ZP3: variants seen among roughly 807,000 people sequenced by gnomAD.
The protein encoded by ZP3 is zona pellucida sperm-binding protein 3.
ZP3 carries 21 observed loss-of-function variants against 35.6 expected under a neutral mutation model. The ratio of observed to expected loss-of-function variants is 0.59; its 90% CI spans 0.42 to 0.85. ZP3 has a LOEUF of 0.85. Among genes scored for constraint, ZP3 ranks in the 40% least tolerant of loss-of-function variants. The probability of loss-of-function intolerance (pLI) is 0.00; values close to 1 mark genes in which losing one functional copy is unlikely to be tolerated. For synonymous variants in ZP3, 207 were observed against 214.5 expected (o/e 0.96, Z 0.31); for missense variants, 437 against 536.5 (o/e 0.81, Z 1.83).
rs542353131 is a variant in ZP3 at position 76,425,676 on chromosome 7, A to G, written c.312+400A>G. ...CAAAGTATACATTATCTTAAAAACA[A>G]CAAGTGGGCCGGGTGCAGTGGCTCA... On this transcript the variant is annotated intron_variant, in intron 1 of 7. Coordinates refer to ENST00000394857, the MANE Select transcript of ZP3 (RefSeq NM_001110354.2). Among the ~76,000 whole-genome samples the G allele has an allele frequency of 9.2e-5, 14 of 152,294 alleles. No homozygotes were observed. The East Asian group carries it at 2.5e-3, about 27-fold the overall frequency.
intron 1 of ZP3, among the ~76,000 whole-genome samples, chr7:76,418,179 T>C (rs1584048363): frequency 3.3e-5 from 5 of 152,136 alleles, no homozygotes; most frequent in Admixed American, 3.3e-4. Flanking sequence ...TCCACCCGCC[T>C]TGGCCTCCCA....
chr7:76,424,920 G>T (rs1398032253), upstream of ZP3: 1 of 1,475,598 alleles, frequency 6.8e-7, no homozygotes, highest in Admixed American at 2.3e-5. Flanking sequence ...GCATCCCACG[G>T]GTATAAGATG....
At position 76,433,002 on chromosome 7, in the gene ZP3, G is replaced by C; in HGVS notation, c.507G>C (p.Lys169Asn). 2 of 1,614,140 alleles carry C rather than the reference G, an allele frequency of 1.2e-6. No homozygotes were observed. Among genetic ancestry groups the C allele is most frequent in the Non-Finnish European group, 1.7e-6 (2 of 1,180,022 alleles). Residue 169 changes from lysine (K) to asparagine (N), a missense_variant, in exon 3 of 8, where the codon AAG (lysine) becomes AAC (asparagine). Physicochemically the swap from Lys to Asn is moderately conservative, Grantham distance 94. Transcript: ENST00000394857. ...PFRTTVFSEEKLTFSLRLMEE... is the reference protein window; with the variant it reads ...PFRTTVFSEENLTFSLRLMEE... ...GGACCACGGTGTTCTCAGAGGAGAA[G>C]CTGACTTTCTCTCTGCGTCTGATGG...
At chr7:76,401,827 C>T (rs1424603109) in intron 1 of ZP3, among the ~76,000 whole-genome samples, 1 of 152,156 alleles carries the variant, frequency 6.6e-6, no homozygotes. Flanking sequence ...ACCACATACC[C>T]AGGCCTCTTT....
chr7:76,418,691 C>G (rs928708789), intron 1 of ZP3, among the ~76,000 whole-genome samples: 1 of 151,514 alleles, frequency 6.6e-6, no homozygotes, highest in Non-Finnish European at 1.5e-5. Context: ...TCCATCTCTA[C>G]TAAAAATACA....
intron 5 of ZP3, among the ~76,000 whole-genome samples, chr7:76,437,594 C>G (rs1234144434): frequency 6.7e-6 from 1 of 149,632 alleles, no homozygotes; most frequent in Non-Finnish European, 1.5e-5. Flanking sequence ...TCAAGCAATT[C>G]TTCCATTCCA....
intron 5 of ZP3, chr7:76,440,041 T>A (rs62475568): frequency 0.22 from 138,343 of 625,086 alleles, 16,097 homozygotes; most frequent in South Asian, 0.29. Flanking sequence ...GCGATGGGGT[T>A]TCACCATGTT....
rs189661199 is a variant in ZP3, at chr7:76,407,753, G to T, written c.-67+9956G>T. Among the ~76,000 whole-genome samples the T allele has an allele frequency of 1.5e-4, 23 of 152,210 alleles. No individual in the cohort carries two copies. In the East Asian group the frequency reaches 3.7e-3, roughly 24 times the overall value. ...GTCTCTAACTAAAAAGAAAAAAAAA[G>T]TGCATAAACCATGAGCTTAGAGCTC... On this transcript the variant is annotated intron_variant, in intron 1 of 8. Transcript: ENST00000336517.
intron 2 of ZP3, among the ~76,000 whole-genome samples, chr7:76,431,263 C>T (rs1047119058): frequency 1.4e-4 from 21 of 152,256 alleles, no homozygotes; most frequent in African/African-American, 4.8e-4. Flanking sequence ...GCAGGCTGCC[C>T]AGTCGGCATG....
intron 5 of ZP3, chr7:76,439,831 T>G (rs1209222869): frequency 7.0e-5 from 14 of 201,142 alleles, no homozygotes; most frequent in African/African-American, 3.0e-4. Flanking sequence ...TACACCATCT[T>G]AGAGATGAGG....
At chr7:76,403,601 G>A (rs1216692078) in intron 1 of ZP3, among the ~76,000 whole-genome samples, 1 of 151,734 alleles carries the variant, frequency 6.6e-6, no homozygotes, top group African/African-American at 2.4e-5. Context: ...CTCCCAAAGT[G>A]CTGGGATTAC....
chr7:76,431,692 G>C, intron 2 of ZP3, among the ~76,000 whole-genome samples: 1 of 152,172 alleles, frequency 6.6e-6, no homozygotes, highest in Non-Finnish European at 1.5e-5. Flanking sequence ...GAGGTCAGGA[G>C]ATGGAGACCA....
At chr7:76,420,897 A>G (rs1805488102), upstream of ZP3, among the ~76,000 whole-genome samples, 1 of 145,152 alleles carries the variant, frequency 6.9e-6, no homozygotes, top group Non-Finnish European at 1.5e-5. Context: ...ACATACATAT[A>G]TATTTCCACG....
At position 76,410,782 on chromosome 7, in the gene ZP3, G is replaced by C. The variant is rs544710022; in HGVS notation, c.-67+12985G>C. On this transcript the variant is annotated intron_variant, in intron 1 of 8. Transcript: ENST00000336517. ...GGCTGAGGTGGGCAGATCACTTGAG[G>C]TCAGGAGTTCGAGACCAGCCTGGCT... 2.6e-5 allele frequency among the ~76,000 whole-genome samples: 4 copies of C among 151,926 alleles called. No individual in the cohort carries two copies. In the East Asian group the frequency reaches 7.8e-4, roughly 30 times the overall value.
chr7:76,428,156 T>C (rs1239378474), intron 1 of ZP3, among the ~76,000 whole-genome samples: 2 of 129,784 alleles, frequency 1.5e-5, no homozygotes, highest in Admixed American at 1.6e-4. Flanking sequence ...CGAAACCCTG[T>C]CTCTATTTAA....
chr7:76,425,589 GT>G (rs1805627387), intron 1 of ZP3, among the ~76,000 whole-genome samples: 1 of 152,198 alleles, frequency 6.6e-6, no homozygotes, highest in Non-Finnish European at 1.5e-5. Flanking sequence ...GGATAGCCCT[GT>G]GGGTAGCCTA....
chr7:76,409,558 G>A (rs1805177362), intron 1 of ZP3: 1 of 152,320 alleles, frequency 6.6e-6, no homozygotes. Context: ...TCTTTCCACA[G>A]CTGGAAGGTG....
upstream of ZP3, among the ~76,000 whole-genome samples, chr7:76,424,379 A>G (rs759078879): frequency 5.3e-5 from 8 of 152,182 alleles, no homozygotes; most frequent in African/African-American, 7.2e-5. Flanking sequence ...CTGTCATCCC[A>G]GCACTTTGGG....
intron 1 of ZP3, among the ~76,000 whole-genome samples, chr7:76,416,205 A>C (rs964754976): frequency 6.6e-6 from 1 of 151,956 alleles, no homozygotes; most frequent in African/African-American, 2.4e-5. Flanking sequence ...AGGCAGGAGG[A>C]TAGCTTGAGC....
Sources: allele counts gnomAD v4.1 joint callset (sites outside exome capture counted in the v4.1 genomes callset), GRCh38; gene constraint gnomAD v4.1.1; transcripts MANE v1.5; gene names NCBI Gene and HGNC (gene_info 2026-07-23, HGNC 2026-07-21).